SVOPL: variants seen among roughly 807,000 people sequenced by gnomAD.
The protein encoded by SVOPL is putative transporter SVOPL.
Under a neutral mutation model 61.0 loss-of-function variants are expected in SVOPL, and 60 were observed. The ratio of observed to expected loss-of-function variants is 0.98; its 90% CI spans 0.80 to 1.22. The LOEUF is 1.22. SVOPL is among the 50% of genes most tolerant of loss of function. The pLI, the probability that SVOPL is intolerant of heterozygous loss-of-function variation, is 0.00. For missense variants in SVOPL, 662 were observed against 643.9 expected (o/e 1.03, Z -0.30); for synonymous variants, 279 against 250.0 (o/e 1.12, Z -1.09).
chr7:138,632,732 G>A (rs1224712437), intron 9 of SVOPL, among the ~76,000 whole-genome samples: 2 of 151,610 alleles, frequency 1.3e-5, no homozygotes, highest in Non-Finnish European at 2.9e-5. Context: ...AGGGAGGATG[G>A]GGGCGGGAGG....
intron 1 of SVOPL, among the ~76,000 whole-genome samples, chr7:138,700,867 T>C (rs942954399): frequency 7.9e-5 from 12 of 152,182 alleles, no homozygotes; most frequent in African/African-American, 2.2e-4. Context: ...AACTGATAGA[T>C]TGGGGATTTT....
At chr7:138,629,992 T>C (rs2116922256) in intron 10 of SVOPL, 57 bp downstream of exon 10, 1 of 1,423,642 alleles carries the variant, frequency 7.0e-7, no homozygotes. Context: ...TTTACTTAAA[T>C]AGGCTTCCTC....
chr7:138,605,332 G>C (rs1446805063), intron 14 of SVOPL, among the ~76,000 whole-genome samples: 1 of 151,880 alleles, frequency 6.6e-6, no homozygotes, highest in East Asian at 1.9e-4. Flanking sequence ...ACAGAGTCTA[G>C]AGAGAAAAGA....
intron 14 of SVOPL, among the ~76,000 whole-genome samples, chr7:138,618,921 A>C (rs79877108): frequency 0.083 from 12,685 of 152,230 alleles, 653 homozygotes; most frequent in African/African-American, 0.14. Context: ...AGAGCAGGGC[A>C]TTACGGCCCC....
chr7:138,689,397 A>T, intron 1 of SVOPL: 2 of 1,434,954 alleles, frequency 1.4e-6, no homozygotes, highest in South Asian at 1.1e-5. Context: ...TTACCCATGC[A>T]TGAGCTCTCC....
intron 14 of SVOPL, among the ~76,000 whole-genome samples, chr7:138,607,308 T>C (rs1464845606): frequency 6.6e-6 from 1 of 152,170 alleles, no homozygotes; most frequent in African/African-American, 2.4e-5. Context: ...AAATGGATGA[T>C]ACCATCTCAA....
intron 14 of SVOPL, among the ~76,000 whole-genome samples, chr7:138,602,668 C>A (rs1171451903): frequency 6.6e-6 from 1 of 151,746 alleles, no homozygotes; most frequent in Non-Finnish European, 1.5e-5. Flanking sequence ...CCTTTGGTGC[C>A]AGCAGGAGGC....
At chr7:138,620,183 C>T (rs1245285103) in intron 14 of SVOPL, among the ~76,000 whole-genome samples, 2 of 139,778 alleles carry the variant, frequency 1.4e-5, no homozygotes, top group Non-Finnish European at 3.0e-5. Flanking sequence ...TGCAGTGACG[C>T]GATCTCGGCT....
chr7:138,672,234 G>A, intron 3 of SVOPL, 117 bp from the exon 4 acceptor site: 1 of 918,072 alleles, frequency 1.1e-6, no homozygotes, highest in East Asian at 2.6e-5. Context: ...CCCATTCAGG[G>A]AGGATCTATT....
At chr7:138,666,779 T>C (rs1402741964) in intron 4 of SVOPL, among the ~76,000 whole-genome samples, 1 of 152,194 alleles carries the variant, frequency 6.6e-6, no homozygotes, top group Non-Finnish European at 1.5e-5. Context: ...GAACATGTGA[T>C]GTATGTTACA....
intron 14 of SVOPL, among the ~76,000 whole-genome samples, chr7:138,609,238 G>C (rs1033633717): frequency 6.6e-6 from 1 of 152,154 alleles, no homozygotes; most frequent in African/African-American, 2.4e-5. Context: ...ACTGGGACAA[G>C]CTCGCCCAAG....
chr7:138,620,906 A>T, intron 14 of SVOPL, 140 bp downstream of exon 14: 1 of 781,910 alleles, frequency 1.3e-6, no homozygotes, highest in Non-Finnish European at 2.1e-6. Flanking sequence ...TAAATCCACC[A>T]AACAGCAGGG....
intron 10 of SVOPL, among the ~76,000 whole-genome samples, chr7:138,629,198 C>A (rs1486190916): frequency 6.9e-6 from 1 of 144,484 alleles, no homozygotes; most frequent in Non-Finnish European, 1.5e-5. Context: ...TGGCAAATTT[C>A]TCCTCCCCAT....
chr7:138,628,107 G>A (rs934997466), intron 11 of SVOPL, 51 bp downstream of exon 11: 20 of 1,600,312 alleles, frequency 1.2e-5, no homozygotes, highest in Non-Finnish European at 1.7e-5. Context: ...AGACTCAAGT[G>A]CACATAGACC....
intron 1 of SVOPL, among the ~76,000 whole-genome samples, chr7:138,690,318 C>T (rs925174135): frequency 3.9e-5 from 6 of 152,104 alleles, no homozygotes; most frequent in South Asian, 4.1e-4. Context: ...AGTGCAATGG[C>T]GTGATCTGAG....
intron 14 of SVOPL, among the ~76,000 whole-genome samples, chr7:138,615,877 C>T (rs1799275039): frequency 6.6e-6 from 1 of 151,780 alleles, no homozygotes; most frequent in East Asian, 1.9e-4. Context: ...AAATAAAAGA[C>T]CAGAAAAAAC....
At chr7:138,597,214 G>A (rs1277004471) in intron 14 of SVOPL, 1 of 1,289,410 alleles carries the variant, frequency 7.8e-7, no homozygotes, top group Non-Finnish European at 1.0e-6. Context: ...CACAACGACA[G>A]TAAAGTATGA....
chr7:138,643,376 G>C (rs1352641465), intron 9 of SVOPL, among the ~76,000 whole-genome samples: 1 of 130,948 alleles, frequency 7.6e-6, no homozygotes, highest in Non-Finnish European at 1.5e-5. Context: ...AGTGAGCCAA[G>C]ATCACGCCAC....
At chr7:138,663,418 C>G in intron 4 of SVOPL, 1 of 1,341,546 alleles carries the variant, frequency 7.5e-7, no homozygotes, top group South Asian at 1.6e-5. Context: ...GGCTTCGGCT[C>G]CACTCTATTC....
Sources: gnomAD v4.1 joint callset for allele counts (sites outside exome capture counted in the v4.1 genomes callset) on GRCh38, gnomAD v4.1.1 for gene constraint, MANE v1.5 for transcripts, NCBI Gene and HGNC (gene_info 2026-07-23, HGNC 2026-07-21) for gene names.